Variants in GTSF1 observed in about 807,000 individuals in gnomAD.
GTSF1 encodes the protein gametocyte specific factor 1.
Under a neutral mutation model 28.9 loss-of-function variants are expected in GTSF1, and 11 were observed. The ratio of observed to expected loss-of-function variants is 0.38; its 90% CI spans 0.24 to 0.63. The LOEUF is 0.63. Among genes scored for constraint, GTSF1 ranks in the 30% least tolerant of loss-of-function variants. GTSF1 has a pLI of 0.56. For missense variants in GTSF1, 146 were observed against 201.0 expected, an observed-to-expected ratio of 0.73 and a Z score of 1.66; for synonymous variants, 69 against 65.6, an observed-to-expected ratio of 1.05 and a Z score of -0.25.
At chr12:54,464,446 C>T (rs1956476877) in intron 3 of GTSF1, among the ~76,000 whole-genome samples, 1 of 152,118 alleles carries the variant, frequency 6.6e-6, no homozygotes, top group Admixed American at 6.5e-5. Flanking sequence ...TCAATTGTTT[C>T]CCAAGCATAA....
chr12:54,467,272 T>C (rs1188066518), intron 2 of GTSF1, among the ~76,000 whole-genome samples: 1 of 152,144 alleles, frequency 6.6e-6, no homozygotes, highest in Non-Finnish European at 1.5e-5. Context: ...TCAAGGTTTA[T>C]CCGTGTTATA....
intron 2 of GTSF1, among the ~76,000 whole-genome samples, chr12:54,468,024 G>A (rs1431608076): frequency 6.6e-6 from 1 of 152,066 alleles, no homozygotes; most frequent in Non-Finnish European, 1.5e-5. Context: ...GCCTCCCAAA[G>A]TGCTAGGATT....
chr12:54,467,599 G>A (rs534766533), intron 2 of GTSF1, among the ~76,000 whole-genome samples: 164 of 152,148 alleles, frequency 1.1e-3, no homozygotes, highest in Non-Finnish European at 1.9e-3. Flanking sequence ...ACAGGTGTGA[G>A]CCACCACATT....
At chr12:54,471,897 A>G (rs1262419172) in intron 1 of GTSF1, 2 of 154,078 alleles carry the variant, frequency 1.3e-5, no homozygotes, top group Non-Finnish European at 2.9e-5. Flanking sequence ...ACAAACAAAC[A>G]AACAAAAAAA....
At position 54,460,268 on chromosome 12, in the gene GTSF1, A is replaced by T. The variant is rs1022006663; in HGVS notation, c.487+109T>A. 7.4e-5 allele frequency: 57 copies of T among 765,318 alleles called. 2 individuals carry two copies. The highest frequency in any genetic ancestry group is 1.8e-5 in the Non-Finnish European group (8 of 451,940). 47.4% of individuals were successfully genotyped at this position (765,318 alleles called of 1,614,324 possible). A position where few individuals can be genotyped will look rare whatever the true frequency, so the allele number is the denominator to read the frequency against. On this transcript the variant is annotated intron_variant, in intron 7 of 8. Coordinates refer to ENST00000305879, the MANE Select transcript of GTSF1 (RefSeq NM_144594.3). ...AACATTTAAGGAGGCACTCACTTTA[A>T]GGGTCATGGAAATGCAAGGTGTTCA...
chr12:54,458,161 T>C (rs1464202996), intron 8 of GTSF1, among the ~76,000 whole-genome samples: 4 of 152,206 alleles, frequency 2.6e-5, no homozygotes, highest in African/African-American at 4.8e-5. Flanking sequence ...CCAGAAGCAA[T>C]GTGTCTGGGC....
At position 54,465,048 on chromosome 12, in the gene GTSF1, G is replaced by T; in HGVS notation, c.117+19C>A. 1 of 1,554,862 alleles carries T rather than the reference G, an allele frequency of 6.4e-7. No homozygotes were observed. Among genetic ancestry groups the T allele is most frequent in the South Asian group, 1.1e-5 (1 of 89,368 alleles). On this transcript the variant is annotated intron_variant, in intron 3 of 8. Transcript: ENST00000305879. Reference sequence around the variant, plus strand: ...TAAAAGAACTCAGGAGGGTGTTAGAGGGCAAATTATGACCCTACCTTTCTG... The same window carrying T: ...TAAAAGAACTCAGGAGGGTGTTAGATGGCAAATTATGACCCTACCTTTCTG...
chr12:54,468,931 T>TAA (rs996381177), intron 2 of GTSF1: 20 of 152,074 alleles, frequency 1.3e-4, no homozygotes, highest in African/African-American at 4.8e-4. Context: ...TCCCAGGTGA[T>TAA]ATTTAAGAAA....
chr12:54,459,323 G>A, intron 7 of GTSF1, 198 bp from the exon 8 acceptor site: 1 of 1,442,088 alleles, frequency 6.9e-7, no homozygotes, highest in South Asian at 1.4e-5. Context: ...CAAGCCTTTT[G>A]ACATATAATT....
chr12:54,460,392 G>A lies in GTSF1; in HGVS notation c.472C>T (p.Leu158=), dbSNP rs1281108246. Residue 158 remains leucine, a synonymous_variant, in exon 7 of 9, where the codon CTG becomes TTG. Transcript: ENST00000305879. The stretch of plus-strand genomic sequence containing the variant: ...TTTCACTTACTGTTTTTCCATGGCA[G>A]AACATACGGCAGAGATTTGGGAACT... ...MRVPKSLPYV[L]PWKNNGNAQ is the part of the protein sequence containing the mutation. 6.2e-7 allele frequency: 1 copy of A among 1,612,168 alleles called. No individual in the cohort carries two copies. Among genetic ancestry groups the A allele is most frequent in the Non-Finnish European group, 8.5e-7 (1 of 1,178,364 alleles).
intron 2 of GTSF1, among the ~76,000 whole-genome samples, chr12:54,465,736 T>C (rs1399326165): frequency 6.6e-6 from 1 of 152,106 alleles, no homozygotes; most frequent in Admixed American, 6.6e-5. Context: ...TAGTATCCTG[T>C]GACATGAAAA....
At chr12:54,471,414 A>G (rs1956592741) in intron 1 of GTSF1, 137 bp from the exon 2 acceptor site, 1 of 496,072 alleles carries the variant, frequency 2.0e-6, no homozygotes, top group Admixed American at 4.0e-5. Flanking sequence ...CACTCCCCCC[A>G]ATATTTTCTT....
intron 8 of GTSF1, among the ~76,000 whole-genome samples, chr12:54,457,033 C>T (rs1015016852): frequency 6.6e-6 from 1 of 152,086 alleles, no homozygotes; most frequent in East Asian, 1.9e-4. Context: ...TGCAGTGAGC[C>T]GAGATTGCGC....
chr12:54,466,344 A>T (rs1956512129), intron 2 of GTSF1, among the ~76,000 whole-genome samples: 1 of 152,256 alleles, frequency 6.6e-6, no homozygotes, highest in Non-Finnish European at 1.5e-5. Context: ...ATCAGAAGCC[A>T]GTGGGGAATT....
At chr12:54,470,915 T>C (rs1416434321) in intron 2 of GTSF1, among the ~76,000 whole-genome samples, 1 of 152,160 alleles carries the variant, frequency 6.6e-6, no homozygotes, top group Non-Finnish European at 1.5e-5. Context: ...TACATCAACA[T>C]TATTATATAT....
chr12:54,459,098 T>C lies in GTSF1; in HGVS notation c.*11A>G, dbSNP rs370326740. 2.1e-5 allele frequency: 34 copies of C among 1,599,846 alleles called. No homozygotes were observed. In the African/African-American group the frequency reaches 4.0e-4, roughly 19 times the overall value. On this transcript the variant is annotated 3_prime_UTR_variant, in exon 8 of 9. Transcript: ENST00000305879. ...AAACTGAAACACTTACTTGATGAGA[T>C]AGGTATTCAGTTACTGTGCATTTCC...
At chr12:54,469,222 G>A (rs1009654064) in intron 2 of GTSF1, among the ~76,000 whole-genome samples, 18 of 152,182 alleles carry the variant, frequency 1.2e-4, no homozygotes, top group Admixed American at 9.2e-4. Context: ...GGGACTACAG[G>A]TGAGTGCCAC....
At chr12:54,458,564 G>T (rs1181686218) in intron 8 of GTSF1, among the ~76,000 whole-genome samples, 2 of 151,932 alleles carry the variant, frequency 1.3e-5, no homozygotes, top group Non-Finnish European at 2.9e-5. Flanking sequence ...TAGAGACAGG[G>T]TTTCACCATG....
At chr12:54,469,881 A>G (rs1342846693) in intron 2 of GTSF1, among the ~76,000 whole-genome samples, 2 of 151,874 alleles carry the variant, frequency 1.3e-5, no homozygotes, top group African/African-American at 4.8e-5. Context: ...AAGTAAAAAC[A>G]CTTTAAGAAG....
Sources: gnomAD v4.1 joint callset for allele counts (sites outside exome capture counted in the v4.1 genomes callset) on GRCh38, gnomAD v4.1.1 for gene constraint, MANE v1.5 for transcripts, NCBI Gene and HGNC (gene_info 2026-07-23, HGNC 2026-07-21) for gene names.